EPHA1: variants seen among roughly 807,000 people sequenced by gnomAD.
EPHA1 encodes the protein EPH receptor A1.
EPHA1 carries 92 observed loss-of-function variants against 110.1 expected under a neutral mutation model. The ratio of observed to expected loss-of-function variants is 0.84; its 90% confidence interval spans 0.71 to 0.99. EPHA1 has a LOEUF of 0.99. EPHA1 is among the 50% of genes least tolerant of loss of function. The pLI, the probability that EPHA1 is intolerant of heterozygous loss-of-function variation, is 0.00. For missense variants in EPHA1, 1,204 were observed against 1,285.4 expected, an observed-to-expected ratio of 0.94 and a Z score of 0.97; for synonymous variants, 500 against 516.1, an observed-to-expected ratio of 0.97 and a Z score of 0.42.
rs949287526 is a variant in EPHA1 at position 143,391,205 on chromosome 7, A to G, written c.*252T>C. 5.0e-5 allele frequency: 25 copies of G among 496,810 alleles called. No individual in the cohort carries two copies. Among genetic ancestry groups the G allele is most frequent in the Non-Finnish European group, 8.3e-5 (23 of 278,308 alleles). The allele number at this position is 496,810 out of a possible 1,614,324, so 30.8% of individuals were successfully genotyped here. ...CCTGTTTATTTACAAAAATATATAT[A>G]TGTGTATGTATGTATATATATTAAC... On this transcript the variant is annotated 3_prime_UTR_variant, in exon 18 of 18. Coordinates refer to ENST00000275815, the MANE Select transcript of EPHA1 (RefSeq NM_005232.5).
chr7:143,396,350 G>A (rs1394947009), intron 11 of EPHA1, 35 bp downstream of exon 11: 2 of 1,602,092 alleles, frequency 1.2e-6, no homozygotes, highest in South Asian at 1.1e-5. Context: ...GCCCCACATG[G>A]CGGGGGGCCT....
rs777070019 is a variant in EPHA1, at chr7:143,396,355, G to C, written c.1897+30C>G. On this transcript the variant is annotated intron_variant, in intron 11 of 17. Coordinates refer to ENST00000275815, the MANE Select transcript of EPHA1 (RefSeq NM_005232.5). ...GCTCTGTGCTGCCCCACATGGCGGG[G>C]GGCCTGCTGCGGTGCACAGCAGGAC... 4 of 1,603,578 alleles carry C rather than the reference G, an allele frequency of 2.5e-6. No individual in the cohort carries two copies. In the South Asian group the frequency reaches 3.3e-5, roughly 13 times the overall value.
In EPHA1 at chr7:143,407,685, G is replaced by A; in HGVS notation, c.83-7C>T. 2 of 1,613,084 alleles carry A rather than the reference G, an allele frequency of 1.2e-6. No individual in the cohort carries two copies. Among genetic ancestry groups the A allele is most frequent in the East Asian group, 2.2e-5 (1 of 44,788 alleles). ...CTTGTGTCCATCAGAGTAACTGAAA[G>A]TGGGGAGAAAAGAAGTCTGTCACCT... On this transcript the variant is annotated splice_polypyrimidine_tract_variant and splice_region_variant and intron_variant, in intron 1 of 17. Transcript: ENST00000275815.
In EPHA1 at chr7:143,408,761, G is replaced by C; in HGVS notation, c.45C>G (p.Leu15=). ...WPLGLGLVLL[L]CAPLPPGARA... ...GCGCCCCCGGGGGCAGCGGGGCGCA[G>C]AGCAGCAGCACCAGCCCTAGCCCCA... Residue 15 remains leucine (L), a synonymous_variant, in exon 1 of 18, where the codon CTC becomes CTG. Transcript: ENST00000275815. 8.8e-7 allele frequency: 1 copy of C among 1,134,908 alleles called. No individual in the cohort carries two copies. The highest frequency in any genetic ancestry group is 1.1e-6 in the Non-Finnish European group (1 of 900,892). 70.3% of individuals were successfully genotyped at this position (1,134,908 alleles called of 1,614,324 possible). A position where few individuals can be genotyped will look rare whatever the true frequency, so the allele number is the denominator to read the frequency against.
chr7:143,399,012 C>T, intron 5 of EPHA1, 67 bp from the exon 6 acceptor site: 1 of 1,418,860 alleles, frequency 7.0e-7, no homozygotes, highest in East Asian at 2.5e-5. Context: ...GATCCCCGGC[C>T]TCCACCACCA....
In EPHA1 at chr7:143,397,369, G is replaced by A; in HGVS notation, c.1713-7C>T. 1 of 1,549,522 alleles carries A rather than the reference G, an allele frequency of 6.5e-7. No homozygotes were observed. Among genetic ancestry groups the A allele is most frequent in the Non-Finnish European group, 8.7e-7 (1 of 1,146,644 alleles). On this transcript the variant is annotated splice_region_variant and splice_polypyrimidine_tract_variant and intron_variant, in intron 9 of 17. Transcript: ENST00000275815. Reference sequence around the variant, plus strand: ...CCTCTGCCGCTGGGCTCTCCTGTGGGGGTTGGGGACCAGCTCCTTCAGGGC... The same window carrying A: ...CCTCTGCCGCTGGGCTCTCCTGTGGAGGTTGGGGACCAGCTCCTTCAGGGC...
Position 143,397,541 on chromosome 7 carries a change from G to GT in EPHA1, c.1712+19_1712+20insA. The stretch of plus-strand genomic sequence containing the variant: ...TTCTGACCCAGGGCTGGTGGTTGGG[G>GT]AGGGGGCAGGAGCTGGCACCTGGAC... On this transcript the variant is annotated intron_variant, in intron 9 of 17. Transcript: ENST00000275815. The GT allele has an allele frequency of 2.6e-6, 4 of 1,562,970 alleles. No homozygotes were observed. The highest frequency in any genetic ancestry group is 1.1e-5 in the South Asian group (1 of 89,108).
chr7:143,395,274 T>A lies in EPHA1; in HGVS notation c.2083+45A>T. 6.2e-7 allele frequency: 1 copy of A among 1,613,712 alleles called. No individual in the cohort carries two copies. Among genetic ancestry groups the A allele is most frequent in the Non-Finnish European group, 8.5e-7 (1 of 1,179,892 alleles). On this transcript the variant is annotated intron_variant, in intron 12 of 17. Transcript: ENST00000275815. The surrounding 1 kb of genome is among the most constrained non-coding windows in gnomAD (Gnocchi z 4.7). Reference sequence around the variant, plus strand: ...CCACTTCCAGTGGTTTCACCCCTCTTTCCTGCATTTCCCGCCCCCAGCTGA... The same window carrying A: ...CCACTTCCAGTGGTTTCACCCCTCTATCCTGCATTTCCCGCCCCCAGCTGA...
chr7:143,408,087 G>T (rs1194984880), intron 1 of EPHA1, among the ~76,000 whole-genome samples: 2 of 152,312 alleles, frequency 1.3e-5, no homozygotes, highest in African/African-American at 4.8e-5. Flanking sequence ...GACCTCAGAA[G>T]GGGTTTCCTG....
intron 2 of EPHA1, among the ~76,000 whole-genome samples, chr7:143,402,871 T>C (rs1218810152): frequency 2.6e-5 from 4 of 152,150 alleles, no homozygotes; most frequent in Non-Finnish European, 5.9e-5. Context: ...AGTAAAGACT[T>C]ACACAGAATA....
chr7:143,405,436 CGTGTGTGTGTGT>C (rs71523910), intron 2 of EPHA1, among the ~76,000 whole-genome samples: 6 of 149,430 alleles, frequency 4.0e-5, no homozygotes, highest in Non-Finnish European at 8.9e-5. Flanking sequence ...TGCATGTGTG[CGTGTGTGTGTGT>C]GTGTGTGTGT....
chr7:143,398,311 G>C lies in EPHA1; in HGVS notation c.1464+10C>G. On this transcript the variant is annotated intron_variant, in intron 7 of 17. Coordinates refer to ENST00000275815, the MANE Select transcript of EPHA1 (RefSeq NM_005232.5). ...GGACACTGAAGACCATCTCTCAGTA[G>C]CATCCTGACCTGGTTCAGCACGTGC... 1 of 1,613,876 alleles carries C rather than the reference G, an allele frequency of 6.2e-7. No homozygotes were observed. Among genetic ancestry groups the C allele is most frequent in the Non-Finnish European group, 8.5e-7 (1 of 1,179,924 alleles).
chr7:143,405,511 T>C (rs752104705), intron 2 of EPHA1, among the ~76,000 whole-genome samples: 6 of 151,988 alleles, frequency 3.9e-5, no homozygotes, highest in Non-Finnish European at 8.8e-5. Flanking sequence ...AGTGGGAGTG[T>C]ATGACTGCTG....
At chr7:143,408,325 G>A (rs1053244074) in intron 1 of EPHA1, among the ~76,000 whole-genome samples, 1 of 152,170 alleles carries the variant, frequency 6.6e-6, no homozygotes, top group Non-Finnish European at 1.5e-5. Flanking sequence ...CTCTGTCCCT[G>A]GCCTAGGTTG....
rs1323346718 is a variant in EPHA1 at position 143,398,937 on chromosome 7, A to AG, written c.999dup (p.Ser334LeufsTer77). 20 of 1,601,894 alleles carry AG rather than the reference A, an allele frequency of 1.2e-5. No homozygotes were observed. The highest frequency in any genetic ancestry group is 5.1e-5 in the Admixed American group (3 of 58,824). Reference sequence around the variant, plus strand: ...GAGAAGCTCAGGTTTCGGGGGGCCGAGGGGGGACCTGTGGGAGAAGAGGAG... The same window carrying AG: ...GAGAAGCTCAGGTTTCGGGGGGCCGAGGGGGGGACCTGTGGGAGAAGAGGAG... On this transcript the variant is annotated frameshift_variant, in exon 6 of 18. Coordinates refer to ENST00000275815, the MANE Select transcript of EPHA1 (RefSeq NM_005232.5). LOFTEE classifies it high-confidence loss of function.
At chr7:143,399,126 G>T in intron 5 of EPHA1, 132 bp downstream of exon 5, 2 of 1,296,134 alleles carry the variant, frequency 1.5e-6, no homozygotes, top group Non-Finnish European at 1.1e-6. Flanking sequence ...GCCAGGGCAG[G>T]GGCTAAAAGT....
At position 143,391,361 on chromosome 7, in the gene EPHA1, G is replaced by A. The variant is rs1472945463; in HGVS notation, c.*96C>T. ...GAAGCAGCACCGATAGCCTAGTCTG[G>A]CAGGTTGTGGGAAGGGGCGCAGGGA... On this transcript the variant is annotated 3_prime_UTR_variant, in exon 18 of 18. Transcript: ENST00000275815. The A allele has an allele frequency of 2.4e-5, 35 of 1,430,106 alleles. No homozygotes were observed. In the South Asian group the frequency reaches 3.9e-4, roughly 16 times the overall value. The allele number at this position is 1,430,106 out of a possible 1,614,324, so 88.6% of individuals were successfully genotyped here.
intron 10 of EPHA1, 47 bp from the exon 11 acceptor site, chr7:143,396,557 G>T (rs768147894): frequency 1.2e-6 from 2 of 1,600,730 alleles, no homozygotes; most frequent in Non-Finnish European, 1.7e-6. Flanking sequence ...CAGGGCTCAG[G>T]AGTATGGGGG....
At position 143,400,061 on chromosome 7, in the gene EPHA1, GA is replaced by G. The variant is rs1206403653; in HGVS notation, c.433-9del. 1.3e-6 allele frequency: 2 copies of G among 1,581,732 alleles called. No individual in the cohort carries two copies. Among genetic ancestry groups the G allele is most frequent in the Non-Finnish European group, 1.7e-6 (2 of 1,160,958 alleles). ...TGCAGCCACCGTGGTTACCTGGGTA[GA>G]AGGTGGGGAAGAAAGGGGAGCAATG... is the stretch of plus-strand genomic sequence containing the variant. On this transcript the variant is annotated splice_polypyrimidine_tract_variant and intron_variant, in intron 3 of 17. Transcript: ENST00000275815.
Sources: gnomAD v4.1 joint callset for allele counts (sites outside exome capture counted in the v4.1 genomes callset) on GRCh38, gnomAD v4.1.1 for gene constraint, Gnocchi (gnomAD v3.1) non-coding constraint, MANE v1.5 for transcripts, NCBI Gene and HGNC (gene_info 2026-07-23, HGNC 2026-07-21) for gene names.